Variants in FAM13A observed in about 807,000 individuals in gnomAD.
The protein encoded by FAM13A is protein FAM13A.
FAM13A carries 76 observed loss-of-function variants against 129.6 expected under a neutral mutation model. The ratio of observed to expected loss-of-function variants is 0.59; its 90% confidence interval spans 0.49 to 0.71. The LOEUF (loss-of-function observed/expected upper bound fraction) is 0.71. FAM13A is among the 30% of genes least tolerant of loss of function. The pLI is 0.00. For missense variants in FAM13A, 1,108 were observed against 1,249.3 expected (o/e 0.89, Z 1.70); for synonymous variants, 443 against 449.9 (o/e 0.98, Z 0.20).
chr4:88,987,838 CAA>C (rs1158179811), intron 4 of FAM13A, among the ~76,000 whole-genome samples: 959 of 71,190 alleles, frequency 0.013, 49 homozygotes, highest in African/African-American at 0.053. Flanking sequence ...AGACTCCTCT[CAA>C]AAAAAAAAAA....
At position 88,991,013 on chromosome 4, in the gene FAM13A, C is replaced by T; in HGVS notation, c.565G>A (p.Val189Ile). 1 of 1,614,164 alleles carries T rather than the reference C, an allele frequency of 6.2e-7. No individual in the cohort carries two copies. The highest frequency in any genetic ancestry group is 1.1e-5 in the South Asian group (1 of 91,088). ...CCAAATACAGTGGCGAGATTGTGAA[C>T]ATTCATGCGATTCTGCACATGATGC... ...AKHHVQNRMNVHNLATVFGPN... is the reference protein window; with the variant it reads ...AKHHVQNRMNIHNLATVFGPN... Residue 189 changes from valine to isoleucine, a missense_variant, in exon 4 of 24, where the codon GTT (valine) becomes ATT (isoleucine). Transcript: ENST00000264344.
chr4:88,829,023 A>C (rs932592772), intron 7 of FAM13A, among the ~76,000 whole-genome samples: 1 of 152,200 alleles, frequency 6.6e-6, no homozygotes, highest in Non-Finnish European at 1.5e-5. Flanking sequence ...GTGTTTGGCA[A>C]TATCTGCATT....
intron 20 of FAM13A, among the ~76,000 whole-genome samples, chr4:88,738,578 C>T (rs1477423880): frequency 1.3e-5 from 2 of 152,196 alleles, no homozygotes; most frequent in African/African-American, 4.8e-5. Context: ...GGGCCTCTCT[C>T]TCGTTTCTCA....
chr4:88,985,368 T>C (rs76036222), intron 4 of FAM13A, among the ~76,000 whole-genome samples: 1,859 of 152,272 alleles, frequency 0.012, 56 homozygotes, highest in African/African-American at 0.043. Context: ...AAATATTCTA[T>C]AAGTGACCGT....
chr4:88,856,355 C>T (rs930639749), intron 6 of FAM13A, among the ~76,000 whole-genome samples: 12 of 151,782 alleles, frequency 7.9e-5, no homozygotes, highest in African/African-American at 2.9e-4. Context: ...CTTGTAGAGT[C>T]CACCTGTAGT....
intron 20 of FAM13A, among the ~76,000 whole-genome samples, chr4:88,738,343 A>G (rs1330081725): frequency 1.3e-5 from 2 of 152,044 alleles, no homozygotes; most frequent in Non-Finnish European, 1.5e-5. Flanking sequence ...AGGGCAGAAC[A>G]CCCTACTCAT....
At chr4:89,047,649 C>A (rs952424261) in intron 1 of FAM13A, among the ~76,000 whole-genome samples, 1 of 152,132 alleles carries the variant, frequency 6.6e-6, no homozygotes, top group African/African-American at 2.4e-5. Context: ...CCTCCATGCC[C>A]TAGGCTGGGT....
At chr4:88,964,579 T>G (rs1178548291) in intron 4 of FAM13A, among the ~76,000 whole-genome samples, 2 of 151,430 alleles carry the variant, frequency 1.3e-5, no homozygotes, top group Non-Finnish European at 2.9e-5. Context: ...CACTAGCACA[T>G]AATGAATCAT....
chr4:89,031,524 A>T (rs1249276056), intron 1 of FAM13A, among the ~76,000 whole-genome samples: 1 of 152,162 alleles, frequency 6.6e-6, no homozygotes, highest in Non-Finnish European at 1.5e-5. Context: ...AGAAATGTAC[A>T]AGGTAGAAAT....
chr4:88,999,272 G>A (rs1000229241), intron 3 of FAM13A, among the ~76,000 whole-genome samples: 4 of 152,134 alleles, frequency 2.6e-5, no homozygotes, highest in African/African-American at 9.7e-5. Context: ...ATGCTTGTCA[G>A]TCGGGACAGG....
chr4:88,904,295 C>G (rs1043024319), intron 6 of FAM13A, among the ~76,000 whole-genome samples: 3 of 152,120 alleles, frequency 2.0e-5, no homozygotes, highest in African/African-American at 4.8e-5. Flanking sequence ...ATAAATCATT[C>G]TATTATAACA....
At chr4:89,036,498 G>A (rs1769406102) in intron 1 of FAM13A, among the ~76,000 whole-genome samples, 1 of 152,130 alleles carries the variant, frequency 6.6e-6, no homozygotes, top group Non-Finnish European at 1.5e-5. Context: ...GGAAAACAGA[G>A]CATAAAAGTT....
intron 3 of FAM13A, among the ~76,000 whole-genome samples, chr4:89,015,120 G>A (rs1766297503): frequency 6.6e-6 from 1 of 152,122 alleles, no homozygotes; most frequent in Admixed American, 6.6e-5. Flanking sequence ...GCGCTCCCAG[G>A]CCTATTAGGA....
At chr4:88,986,485 A>G (rs1762260908) in intron 4 of FAM13A, among the ~76,000 whole-genome samples, 1 of 152,272 alleles carries the variant, frequency 6.6e-6, no homozygotes, top group Non-Finnish European at 1.5e-5. Context: ...ACAAAATTAC[A>G]TTGAAAAGGA....
chr4:88,778,744 A>G (rs1356987320), intron 11 of FAM13A, among the ~76,000 whole-genome samples: 1 of 152,216 alleles, frequency 6.6e-6, no homozygotes, highest in African/African-American at 2.4e-5. Context: ...CTCACCCAGA[A>G]TAAAGGAGGG....
At chr4:88,742,180 G>C (rs1278369011) in intron 19 of FAM13A, among the ~76,000 whole-genome samples, 3 of 152,184 alleles carry the variant, frequency 2.0e-5, no homozygotes, top group Admixed American at 2.0e-4. Flanking sequence ...AACATCTTTG[G>C]ACTGCAACAG....
At chr4:88,900,820 G>C (rs1747175677) in intron 6 of FAM13A, among the ~76,000 whole-genome samples, 1 of 152,056 alleles carries the variant, frequency 6.6e-6, no homozygotes, top group South Asian at 2.1e-4. Flanking sequence ...ATGTAAATGG[G>C]CTAAATGCCC....
intron 6 of FAM13A, among the ~76,000 whole-genome samples, chr4:88,891,703 G>T (rs1453293588): frequency 6.6e-6 from 1 of 152,088 alleles, no homozygotes; most frequent in East Asian, 1.9e-4. Context: ...AAAGAGAAAA[G>T]CCATACAATT....
At chr4:88,885,684 T>C (rs1744287038) in intron 6 of FAM13A, among the ~76,000 whole-genome samples, 1 of 152,074 alleles carries the variant, frequency 6.6e-6, no homozygotes, top group Non-Finnish European at 1.5e-5. Context: ...AAAAAGCTTC[T>C]GCACAGCAAA....
Sources: gnomAD v4.1 joint callset for allele counts (sites outside exome capture counted in the v4.1 genomes callset) on GRCh38, gnomAD v4.1.1 for gene constraint, MANE v1.5 for transcripts, NCBI Gene and HGNC (gene_info 2026-07-23, HGNC 2026-07-21) for gene names.